Variants in SRPK2 observed in about 807,000 individuals in gnomAD.
The protein encoded by SRPK2 is SFRS protein kinase 2.
In SRPK2, 21 loss-of-function variants were observed where a neutral mutation model predicts 90.8. The observed-to-expected ratio is 0.23, with a 90% CI of 0.16 to 0.33. The LOEUF is 0.33. Among genes scored for constraint, SRPK2 ranks in the 10% least tolerant of loss-of-function variants. The probability of loss-of-function intolerance (pLI) is 1.00; values close to 1 mark genes in which losing one functional copy is unlikely to be tolerated. For synonymous variants in SRPK2, 288 were observed against 311.1 expected (o/e 0.93, Z 0.78); for missense variants, 620 against 869.0 (o/e 0.71, Z 3.60).
rs1451328583 is a variant in SRPK2 at position 105,229,458 on chromosome 7, C to T, written c.72-25673G>A. Among the ~76,000 whole-genome samples the T allele has an allele frequency of 4.1e-5, 6 of 144,794 alleles. No individual in the cohort carries two copies. In the South Asian group the frequency reaches 6.7e-4, roughly 16 times the overall value. 95.0% of individuals were successfully genotyped at this position (144,794 alleles called of 152,430 possible). On this transcript the variant is annotated intron_variant, in intron 2 of 15. Transcript: ENST00000393651. ...CAGCCTGGGCGACAGAGCAAGACTC[C>T]GTCTCAAAAAAAAAAAGGCCATCCT...
At chr7:105,178,559 GGCTCAC>G (rs1352749630) in intron 3 of SRPK2, among the ~76,000 whole-genome samples, 1 of 152,182 alleles carries the variant, frequency 6.6e-6, no homozygotes, top group African/African-American at 2.4e-5. Context: ...TGGGCATGGT[GGCTCAC>G]GCCGCTGATA....
In SRPK2 at chr7:105,248,743, C is replaced by T. The variant is rs551255860; in HGVS notation, c.72-44958G>A. On this transcript the variant is annotated intron_variant, in intron 2 of 15. Coordinates refer to ENST00000393651, the MANE Select transcript of SRPK2 (RefSeq NM_182692.3). ...GATCACGAGGTCAGGAGATTGAGAC[C>T]ATCCTAGCTAACACGGTGAAACCCC... Among the ~76,000 whole-genome samples the T allele has an allele frequency of 2.6e-5, 4 of 152,186 alleles. No individual in the cohort carries two copies. The South Asian group carries it at 8.3e-4, about 32-fold the overall frequency.
chr7:105,294,472 G>A (rs1173257480), intron 2 of SRPK2, among the ~76,000 whole-genome samples: 1 of 152,130 alleles, frequency 6.6e-6, no homozygotes, highest in East Asian at 1.9e-4. Context: ...GAAACGAAGG[G>A]AAAGCTATGC....
intron 2 of SRPK2, among the ~76,000 whole-genome samples, chr7:105,349,486 C>T (rs1816895096): frequency 6.8e-6 from 1 of 147,654 alleles, no homozygotes. Flanking sequence ...CACACCATTG[C>T]ACTCCAGCCT....
At chr7:105,191,391 T>C (rs12537761) in intron 3 of SRPK2, among the ~76,000 whole-genome samples, 124,562 of 151,954 alleles carry the variant, frequency 0.82, 51,703 homozygotes, top group Non-Finnish European at 0.87. Context: ...GGTAACATAG[T>C]GAATCCTGTC....
chr7:105,316,316 A>AAATTAC lies in SRPK2; in HGVS notation c.71+72326_71+72331dup, dbSNP rs1250528361. On this transcript the variant is annotated intron_variant, in intron 2 of 15. Transcript: ENST00000393651. ...TTTTAACTTGAAGAAAATACCTCTC[A>AAATTAC]AATTACTGTGCATTAAGGCCTAGGA... is the stretch of plus-strand genomic sequence containing the variant. 2.6e-5 allele frequency among the ~76,000 whole-genome samples: 4 copies of AAATTAC among 152,176 alleles called. No homozygotes were observed. In the East Asian group the frequency reaches 7.7e-4, roughly 29 times the overall value.
chr7:105,361,876 G>A (rs1585888153), intron 2 of SRPK2, among the ~76,000 whole-genome samples: 2 of 151,560 alleles, frequency 1.3e-5, no homozygotes, highest in African/African-American at 4.9e-5. Context: ...AAAACCCTAG[G>A]AAGAAAACCT....
chr7:105,264,039 G>C (rs1804700817), intron 2 of SRPK2, among the ~76,000 whole-genome samples: 1 of 152,112 alleles, frequency 6.6e-6, no homozygotes, highest in South Asian at 2.1e-4. Context: ...TTGCAACGGG[G>C]GGAGAAAGGG....
At position 105,159,303 on chromosome 7, in the gene SRPK2, C is replaced by T. The variant is rs111416158; in HGVS notation, c.621+1204G>A. ...GAGTTTGAGACCACCCTGGGCAACA[C>T]GGTGAAACCCTGTCTCTACTAAAAA... On this transcript the variant is annotated intron_variant, in intron 7 of 15. Coordinates refer to ENST00000393651, the MANE Select transcript of SRPK2 (RefSeq NM_182692.3). Among the ~76,000 whole-genome samples the T allele has an allele frequency of 3.2e-3, 488 of 151,720 alleles. 3 individuals carry two copies. The highest frequency in any genetic ancestry group is 0.011 in the African/African-American group (468 of 41,388).
chr7:105,139,133 C>T (rs1803320662), intron 11 of SRPK2, among the ~76,000 whole-genome samples: 1 of 152,168 alleles, frequency 6.6e-6, no homozygotes. Flanking sequence ...GTGGAGACCA[C>T]TGCTGTAGAT....
At chr7:105,360,179 T>C (rs796816902) in intron 2 of SRPK2, among the ~76,000 whole-genome samples, 22 of 152,320 alleles carry the variant, frequency 1.4e-4, no homozygotes, top group African/African-American at 5.3e-4. Flanking sequence ...TAAAGTCTGT[T>C]TTATCAGAGA....
At chr7:105,269,112 G>T in intron 2 of SRPK2, 1 of 1,125,838 alleles carries the variant, frequency 8.9e-7, no homozygotes, top group Non-Finnish European at 1.1e-6. Context: ...TTAAAGCAGA[G>T]GGGTGTTTTC....
chr7:105,238,888 A>G (rs1412649589), intron 2 of SRPK2, among the ~76,000 whole-genome samples: 1 of 152,152 alleles, frequency 6.6e-6, no homozygotes, highest in Non-Finnish European at 1.5e-5. Context: ...ACACTCTTCT[A>G]AGCTTTCTTC....
At chr7:105,130,504 C>A (rs935398743) in intron 13 of SRPK2, among the ~76,000 whole-genome samples, 5 of 151,962 alleles carry the variant, frequency 3.3e-5, no homozygotes, top group Admixed American at 6.6e-5. Flanking sequence ...GAACTATAGT[C>A]CTGCCACTGC....
chr7:105,177,897 C>T (rs1040026653), intron 3 of SRPK2, among the ~76,000 whole-genome samples: 7 of 151,770 alleles, frequency 4.6e-5, no homozygotes, highest in Admixed American at 3.9e-4. Flanking sequence ...GGCATAGTGG[C>T]GGGCGCCTGT....
intron 2 of SRPK2, among the ~76,000 whole-genome samples, chr7:105,235,114 C>T (rs1198009910): frequency 6.6e-6 from 1 of 152,142 alleles, no homozygotes; most frequent in Admixed American, 6.5e-5. Context: ...GATTAGATAC[C>T]TCTGTGGGAG....
At chr7:105,258,214 C>A (rs1803627876) in intron 2 of SRPK2, among the ~76,000 whole-genome samples, 1 of 151,398 alleles carries the variant, frequency 6.6e-6, no homozygotes, top group Non-Finnish European at 1.5e-5. Context: ...GTCCAGAGTC[C>A]TACACCAGCC....
chr7:105,268,963 C>A, intron 2 of SRPK2: 1 of 1,436,374 alleles, frequency 7.0e-7, no homozygotes, highest in South Asian at 1.4e-5. Context: ...CCCTTTTGTT[C>A]AGAATGAGGC....
At chr7:105,389,710 G>C (rs1476697363), upstream of SRPK2, among the ~76,000 whole-genome samples, 1 of 152,194 alleles carries the variant, frequency 6.6e-6, no homozygotes, top group Non-Finnish European at 1.5e-5. Context: ...TCGAAATTCA[G>C]GCCTGGCCGT....
Sources: allele counts gnomAD v4.1 joint callset (sites outside exome capture counted in the v4.1 genomes callset), GRCh38; gene constraint gnomAD v4.1.1; transcripts MANE v1.5; gene names NCBI Gene and HGNC (gene_info 2026-07-23, HGNC 2026-07-21).